Variants in CDH13 observed in about 807,000 individuals in gnomAD.
CDH13 encodes the protein cadherin 13, also known as cadherin-13.
In CDH13, 24 loss-of-function variants were observed where a neutral mutation model predicts 63.8. That is an observed-to-expected ratio of 0.38 (90% confidence interval 0.27 to 0.53). The LOEUF (loss-of-function observed/expected upper bound fraction) is 0.53. Ranked by LOEUF, CDH13 falls within the 20% of genes least tolerant of loss-of-function variation. CDH13 has a pLI of 0.85. For synonymous variants in CDH13, 503 were observed against 355.3 expected (o/e 1.42, Z -4.67); for missense variants, 1,049 against 903.1 (o/e 1.16, Z -2.07).
chr16:83,122,532 T>A (rs1223012571), intron 3 of CDH13, among the ~76,000 whole-genome samples: 1 of 152,186 alleles, frequency 6.6e-6, no homozygotes, highest in Non-Finnish European at 1.5e-5. Context: ...ACTGATCATA[T>A]AATAACAACA....
chr16:83,157,738 T>TAAAAAAAA (rs58336254), intron 4 of CDH13, among the ~76,000 whole-genome samples: 20 of 99,218 alleles, frequency 2.0e-4, no homozygotes, highest in East Asian at 5.8e-4. Context: ...ACTAGAAATA[T>TAAAAAAAA]AAAAAAAAAA....
chr16:82,937,210 A>G (rs563715906), intron 2 of CDH13, among the ~76,000 whole-genome samples: 3 of 152,276 alleles, frequency 2.0e-5, no homozygotes, highest in South Asian at 2.1e-4. Context: ...TGATGCAGCT[A>G]TAGTACAAGC....
At chr16:82,721,589 G>T (rs138219371) in intron 1 of CDH13, among the ~76,000 whole-genome samples, 8 of 152,192 alleles carry the variant, frequency 5.3e-5, no homozygotes, top group African/African-American at 1.9e-4. Flanking sequence ...GAAAGCAGTC[G>T]GCAAAGAGAT....
chr16:82,880,393 A>C (rs1567625638), intron 2 of CDH13, among the ~76,000 whole-genome samples: 1 of 152,096 alleles, frequency 6.6e-6, no homozygotes, highest in African/African-American at 2.4e-5. Context: ...CGGTGGTACT[A>C]ATGTGGATAT....
At chr16:83,345,882 A>C (rs1379525666) in intron 6 of CDH13, among the ~76,000 whole-genome samples, 1 of 152,234 alleles carries the variant, frequency 6.6e-6, no homozygotes, top group Non-Finnish European at 1.5e-5. Flanking sequence ...GTGATTCGTC[A>C]GACCAGACAG....
intron 4 of CDH13, among the ~76,000 whole-genome samples, chr16:83,191,626 A>G (rs148370224): frequency 0.014 from 2,165 of 150,324 alleles, 82 homozygotes; most frequent in South Asian, 0.12. Context: ...AGGTCCCACA[A>G]TAGGCCATCT....
At position 82,815,722 on chromosome 16, in the gene CDH13, C is replaced by A. The variant is rs572522887; in HGVS notation, c.46-42640C>A. ...TACCATGAAGAACAGTGCCCCTAAT[C>A]GTAGACTATCACTTTGTTGGCCACT... is the stretch of plus-strand genomic sequence containing the variant. On this transcript the variant is annotated intron_variant, in intron 1 of 13. Coordinates refer to ENST00000567109, the MANE Select transcript of CDH13 (RefSeq NM_001257.5). 3.4e-3 allele frequency among the ~76,000 whole-genome samples: 519 copies of A among 152,234 alleles called. 2 individuals carry two copies. Among genetic ancestry groups the A allele is most frequent in the Non-Finnish European group, 6.0e-3 (411 of 68,012 alleles).
chr16:82,765,765 C>T (rs2035032537), intron 1 of CDH13, among the ~76,000 whole-genome samples: 1 of 152,082 alleles, frequency 6.6e-6, no homozygotes, highest in Non-Finnish European at 1.5e-5. Flanking sequence ...CTTCCTGTGG[C>T]CCGGGGAAGA....
At chr16:82,837,580 T>C (rs926964824) in intron 1 of CDH13, among the ~76,000 whole-genome samples, 3 of 152,060 alleles carry the variant, frequency 2.0e-5, no homozygotes, top group African/African-American at 7.2e-5. Context: ...CCGGAGGAAA[T>C]CAGTTACAAG....
intron 1 of CDH13, among the ~76,000 whole-genome samples, chr16:82,785,028 C>G (rs186917153): frequency 6.6e-6 from 1 of 152,096 alleles, no homozygotes; most frequent in East Asian, 1.9e-4. Context: ...GGGGCCCGCT[C>G]ATGGGTGTAA....
At chr16:83,770,576 G>A (rs1451602439) in intron 11 of CDH13, among the ~76,000 whole-genome samples, 3 of 152,208 alleles carry the variant, frequency 2.0e-5, no homozygotes, top group East Asian at 1.9e-4. Flanking sequence ...GCTACTCCCC[G>A]TAGACAGAGC....
intron 6 of CDH13, among the ~76,000 whole-genome samples, chr16:83,351,846 C>A (rs1016921834): frequency 2.6e-5 from 4 of 152,204 alleles, no homozygotes; most frequent in Non-Finnish European, 5.9e-5. Context: ...GTTCATGCAG[C>A]AGGATACAAT....
chr16:83,724,415 A>ATGGGTGAGTGATGAATGCC (rs1910123523), intron 10 of CDH13, among the ~76,000 whole-genome samples: 1 of 129,228 alleles, frequency 7.7e-6, no homozygotes, highest in South Asian at 2.9e-4. Flanking sequence ...TGATGAATGC[A>ATGGGTGAGTGATGAATGCC]TAGGTGAGTG....
intron 10 of CDH13, among the ~76,000 whole-genome samples, chr16:83,683,398 C>T (rs1480627299): frequency 6.6e-6 from 1 of 152,102 alleles, no homozygotes; most frequent in African/African-American, 2.4e-5. Flanking sequence ...CAAGGAAATC[C>T]CTTTTCCACA....
At chr16:83,034,244 C>A (rs1285124670) in intron 3 of CDH13, among the ~76,000 whole-genome samples, 4 of 152,118 alleles carry the variant, frequency 2.6e-5, no homozygotes, top group Non-Finnish European at 5.9e-5. Flanking sequence ...GCTTCTGGAA[C>A]CTACTATCAA....
chr16:83,023,020 G>T (rs1219762892), intron 2 of CDH13: 1 of 152,162 alleles, frequency 6.6e-6, no homozygotes, highest in East Asian at 1.9e-4. Context: ...TAGATGGTAG[G>T]AAATCTATGC....
intron 10 of CDH13, among the ~76,000 whole-genome samples, chr16:83,697,901 G>T (rs1351093269): frequency 6.6e-6 from 1 of 152,202 alleles, no homozygotes; most frequent in African/African-American, 2.4e-5. Flanking sequence ...CCCCGCCTCG[G>T]CCTCCCAAAT....
chr16:83,664,646 T>G (rs143983842), intron 8 of CDH13, among the ~76,000 whole-genome samples: 40 of 152,236 alleles, frequency 2.6e-4, no homozygotes, highest in African/African-American at 8.4e-4. Flanking sequence ...ACTGTTTACA[T>G]TTCACATTTT....
At chr16:83,508,090 AGGAAGGAAAG>A in intron 7 of CDH13, among the ~76,000 whole-genome samples, 2 of 72,192 alleles carry the variant, frequency 2.8e-5, no homozygotes, top group African/African-American at 1.0e-4. Flanking sequence ...GAAGGAAGGA[AGGAAGGAAAG>A]AAGGAAGGAA....
Sources: gnomAD v4.1 joint callset for allele counts (sites outside exome capture counted in the v4.1 genomes callset) on GRCh38, gnomAD v4.1.1 for gene constraint, MANE v1.5 for transcripts, NCBI Gene and HGNC (gene_info 2026-07-23, HGNC 2026-07-21) for gene names.